The following CDH13 variants were observed in gnomAD, a reference collection of about 807,000 sequenced individuals.
CDH13 encodes cadherin-13.
CDH13 carries 24 observed loss-of-function variants against 63.8 expected under a neutral mutation model. The observed-to-expected ratio is 0.38, with a 90% confidence interval of 0.27 to 0.53. The LOEUF (loss-of-function observed/expected upper bound fraction) is 0.53, where lower values mean the gene tolerates loss of function less well. Among genes scored for constraint, CDH13 ranks in the 20% least tolerant of loss-of-function variants. The pLI is 0.85. For missense variants in CDH13, 1,049 were observed against 903.1 expected, an observed-to-expected ratio of 1.16 and a Z score of -2.07; for synonymous variants, 503 against 355.3, an observed-to-expected ratio of 1.42 and a Z score of -4.67.
chr16:82,633,370 G>C (rs1249203754), intron 1 of CDH13, among the ~76,000 whole-genome samples: 1 of 152,190 alleles, frequency 6.6e-6, no homozygotes, highest in Non-Finnish European at 1.5e-5. Context: ...AGCTGAATCT[G>C]CAGCTCTGTC....
At chr16:83,005,323 C>A (rs917667464) in intron 2 of CDH13, among the ~76,000 whole-genome samples, 1 of 152,142 alleles carries the variant, frequency 6.6e-6, no homozygotes. Context: ...GAACTCCAGG[C>A]CCCAGCCCCT....
intron 7 of CDH13, among the ~76,000 whole-genome samples, chr16:83,551,175 G>C (rs533235557): frequency 6.6e-6 from 1 of 151,906 alleles, no homozygotes; most frequent in Non-Finnish European, 1.5e-5. Context: ...TCCGCCTCCC[G>C]GGTTCAAGTG....
At chr16:83,645,089 T>C (rs1911666588) in intron 8 of CDH13, among the ~76,000 whole-genome samples, 1 of 152,220 alleles carries the variant, frequency 6.6e-6, no homozygotes, top group Non-Finnish European at 1.5e-5. Context: ...TTAAAAGGGC[T>C]ACTCCTCATA....
At chr16:82,653,688 C>A (rs183671666) in intron 1 of CDH13, among the ~76,000 whole-genome samples, 54 of 152,230 alleles carry the variant, frequency 3.5e-4, no homozygotes, top group African/African-American at 1.3e-3. Flanking sequence ...ATGTGCATGT[C>A]ATGTTGAGAA....
intron 1 of CDH13, among the ~76,000 whole-genome samples, chr16:82,651,927 A>G (rs1319854477): frequency 5.3e-5 from 8 of 152,250 alleles, no homozygotes; most frequent in African/African-American, 1.7e-4. Flanking sequence ...AGGAGGGAAG[A>G]TAAGACATGA....
intron 4 of CDH13, among the ~76,000 whole-genome samples, chr16:83,158,123 G>C (rs56411024): frequency 6.6e-6 from 1 of 151,872 alleles, no homozygotes; most frequent in Non-Finnish European, 1.5e-5. Flanking sequence ...AAATTCAGGG[G>C]ATAAGATCAG....
At chr16:82,783,364 G>C (rs537008536) in intron 1 of CDH13, among the ~76,000 whole-genome samples, 18 of 152,348 alleles carry the variant, frequency 1.2e-4, no homozygotes, top group Middle Eastern at 3.4e-3. Context: ...TGCGATGATG[G>C]AAGTGGCTGC....
chr16:82,846,373 C>G (rs1023567788), intron 1 of CDH13, among the ~76,000 whole-genome samples: 1 of 151,868 alleles, frequency 6.6e-6, no homozygotes, highest in Non-Finnish European at 1.5e-5. Context: ...AAATATATAT[C>G]AGCTATCAAT....
intron 8 of CDH13, among the ~76,000 whole-genome samples, chr16:83,657,520 A>G (rs983256822): frequency 6.6e-6 from 1 of 152,182 alleles, no homozygotes; most frequent in Non-Finnish European, 1.5e-5. Flanking sequence ...GCCAACCAGT[A>G]GCTCCAAAGT....
chr16:83,353,171 T>C (rs2151377466), intron 6 of CDH13, among the ~76,000 whole-genome samples: 1 of 152,374 alleles, frequency 6.6e-6, no homozygotes, highest in South Asian at 2.1e-4. Context: ...ACGTCAGCAC[T>C]CTGCCACATG....
At chr16:83,646,079 G>C (rs1911763791) in intron 8 of CDH13, among the ~76,000 whole-genome samples, 1 of 152,130 alleles carries the variant, frequency 6.6e-6, no homozygotes, top group African/African-American at 2.4e-5. Flanking sequence ...GTAGAGTACT[G>C]ATGCTCTCCC....
chr16:83,783,509 A>G (rs762948166), intron 13 of CDH13, 37 bp downstream of exon 13: 1 of 1,505,754 alleles, frequency 6.6e-7, no homozygotes, highest in Non-Finnish European at 9.2e-7. Context: ...CACAAACAGG[A>G]AATTGTAACT....
chr16:82,645,026 G>C (rs1307167918), intron 1 of CDH13, among the ~76,000 whole-genome samples: 1 of 152,184 alleles, frequency 6.6e-6, no homozygotes, highest in Non-Finnish European at 1.5e-5. Context: ...TGAGATTGTA[G>C]TGTGTTTCAG....
intron 4 of CDH13, among the ~76,000 whole-genome samples, chr16:83,156,073 A>C (rs2037196363): frequency 6.6e-6 from 1 of 152,212 alleles, no homozygotes; most frequent in African/African-American, 2.4e-5. Flanking sequence ...GGCAGGAATT[A>C]GCTGGTAGCA....
rs563287763 is a variant in CDH13 at position 82,802,623 on chromosome 16, C to T, written c.46-55739C>T. On this transcript the variant is annotated intron_variant, in intron 1 of 13. Transcript: ENST00000567109. ...TACTCTGGGGCTTCATGCCCTTTTC[C>T]TATTCTTTGTCTCCAACCGCATCTT... is the stretch of plus-strand genomic sequence containing the variant. Among the ~76,000 whole-genome samples, 8 of 152,266 alleles carry T rather than the reference C, an allele frequency of 5.3e-5. No homozygotes were observed. In the East Asian group the frequency reaches 1.5e-3, roughly 29 times the overall value.
chr16:83,332,026 T>G (rs2090492208), intron 5 of CDH13, among the ~76,000 whole-genome samples: 1 of 152,154 alleles, frequency 6.6e-6, no homozygotes, highest in Admixed American at 6.5e-5. Context: ...TTCGGAAAGA[T>G]TTTTTCATGT....
chr16:83,026,033 G>T (rs1235639201), intron 2 of CDH13, among the ~76,000 whole-genome samples: 2 of 152,148 alleles, frequency 1.3e-5, no homozygotes, highest in Non-Finnish European at 2.9e-5. Flanking sequence ...ATGGCCTAAA[G>T]CACCTACTCC....
In CDH13 at chr16:83,540,431, C is replaced by G. The variant is rs568297263; in HGVS notation, c.960+53776C>G. ...TATAAACCTGTGTTCAGTTAAGCAG[C>G]TGACCAGTCATTACCACCTCCTCCT... On this transcript the variant is annotated intron_variant, in intron 7 of 13. Transcript: ENST00000567109. Among the ~76,000 whole-genome samples the G allele has an allele frequency of 1.5e-3, 230 of 152,266 alleles. 2 individuals are homozygous for G. Among genetic ancestry groups the G allele is most frequent in the African/African-American group, 5.3e-3 (219 of 41,558 alleles).
intron 1 of CDH13, among the ~76,000 whole-genome samples, chr16:82,707,515 T>C (rs1181419064): frequency 6.6e-6 from 1 of 152,170 alleles, no homozygotes; most frequent in Non-Finnish European, 1.5e-5. Flanking sequence ...CAAAATATTT[T>C]TCCTTATTTT....
Sources: gnomAD v4.1 joint callset for allele counts (sites outside exome capture counted in the v4.1 genomes callset) on GRCh38, gnomAD v4.1.1 for gene constraint, MANE v1.5 for transcripts, NCBI Gene and HGNC (gene_info 2026-07-23, HGNC 2026-07-21) for gene names.